Variants in NFIB observed in about 807,000 individuals in gnomAD.
The protein encoded by NFIB is nuclear factor I B.
In NFIB, 11 loss-of-function variants were observed where a neutral mutation model predicts 61.5. The ratio of observed to expected loss-of-function variants is 0.18; its 90% confidence interval spans 0.11 to 0.30. The LOEUF (loss-of-function observed/expected upper bound fraction) is 0.30. NFIB is among the 10% of genes least tolerant of loss of function. The pLI is 1.00. For missense variants in NFIB, 471 were observed against 608.9 expected, an observed-to-expected ratio of 0.77 and a Z score of 2.38; for synonymous variants, 260 against 216.5, an observed-to-expected ratio of 1.20 and a Z score of -1.76.
the NFIB span, among the ~76,000 whole-genome samples, chr9:14,500,855 C>T: frequency 1.3e-5 from 2 of 152,100 alleles, no homozygotes; most frequent in African/African-American, 4.8e-5. Flanking sequence ...TTCTGAAAAC[C>T]GCCCACTCCC....
chr9:14,370,378 GTTAACTGT>G, intron 1 of NFIB, among the ~76,000 whole-genome samples: 2 of 152,308 alleles, frequency 1.3e-5, no homozygotes, highest in Middle Eastern at 6.8e-3. Flanking sequence ...CACAAGGGTA[GTTAACTGT>G]TTTTTTTAGT....
the NFIB span, among the ~76,000 whole-genome samples, chr9:14,451,875 A>AT: frequency 0.059 from 8,586 of 146,502 alleles, 297 homozygotes; most frequent in African/African-American, 0.1. Flanking sequence ...GCATGACCTT[A>AT]TTTTTTTTTT....
At chr9:14,455,399 T>C in the NFIB span, among the ~76,000 whole-genome samples, 1 of 152,130 alleles carries the variant, frequency 6.6e-6, no homozygotes, top group Admixed American at 6.5e-5. Context: ...GAGGGAAAAG[T>C]GGTATGTCGC....
chr9:14,525,745 T>C, the NFIB span, among the ~76,000 whole-genome samples: 2 of 152,190 alleles, frequency 1.3e-5, no homozygotes, highest in East Asian at 1.9e-4. Context: ...ATTCATTTAA[T>C]GTATGCAGTT....
At chr9:14,198,287 C>G (rs1017982620) in intron 2 of NFIB, among the ~76,000 whole-genome samples, 15 of 152,082 alleles carry the variant, frequency 9.9e-5, no homozygotes, top group African/African-American at 3.4e-4. Flanking sequence ...AAAGTCGTTT[C>G]GGATGTTCAC....
chr9:14,518,172 A>G, the NFIB span, among the ~76,000 whole-genome samples: 3 of 152,246 alleles, frequency 2.0e-5, no homozygotes, highest in Admixed American at 6.5e-5. Context: ...GGCCTAAATG[A>G]TAAGACATTC....
chr9:14,454,665 C>T, the NFIB span, among the ~76,000 whole-genome samples: 1 of 152,270 alleles, frequency 6.6e-6, no homozygotes, highest in East Asian at 1.9e-4. Flanking sequence ...TCTATATTTG[C>T]CTTTTCCATC....
intron 2 of NFIB, among the ~76,000 whole-genome samples, chr9:14,274,879 G>T (rs1294652831): frequency 6.6e-6 from 1 of 152,308 alleles, no homozygotes; most frequent in African/African-American, 2.4e-5. Context: ...CTGTTTGCCA[G>T]TTAGCTAAAT....
chr9:14,226,407 G>T (rs2052423383), intron 2 of NFIB, among the ~76,000 whole-genome samples: 2 of 151,896 alleles, frequency 1.3e-5, no homozygotes, highest in African/African-American at 4.8e-5. Context: ...AATTGGCCGG[G>T]CAGGGTGGCA....
At position 14,352,386 on chromosome 9, in the gene NFIB, C is replaced by T. The variant is rs186858316; in HGVS notation, c.109-44866G>A. Among the ~76,000 whole-genome samples the T allele has an allele frequency of 7.2e-5, 11 of 151,776 alleles. No individual in the cohort carries two copies. The East Asian group carries it at 1.9e-3, about 27-fold the overall frequency. ...ACCTGTCTCCGGGCTCAGCACTTCC[C>T]GGTACTCTACATTAGCTAAGATGAA... On this transcript the variant is annotated intron_variant, in intron 1 of 8. Transcript: ENST00000380934.
the NFIB span, among the ~76,000 whole-genome samples, chr9:14,529,328 A>G: frequency 6.6e-6 from 1 of 152,144 alleles, no homozygotes; most frequent in Non-Finnish European, 1.5e-5. Flanking sequence ...GTACTTTAAC[A>G]CTGCAGCTTT....
chr9:14,105,073 G>A (rs1365665516), intron 10 of NFIB, among the ~76,000 whole-genome samples: 1 of 152,048 alleles, frequency 6.6e-6, no homozygotes, highest in African/African-American at 2.4e-5. Context: ...TGTTGTTAAT[G>A]TTGCTAATAT....
chr9:14,291,476 G>A (rs2132541615), intron 2 of NFIB, among the ~76,000 whole-genome samples: 1 of 152,228 alleles, frequency 6.6e-6, no homozygotes, highest in East Asian at 1.9e-4. Context: ...CAGAGACTCT[G>A]TAAAAGAATT....
At chr9:14,167,763 G>C (rs767609996) in intron 3 of NFIB, among the ~76,000 whole-genome samples, 5 of 152,168 alleles carry the variant, frequency 3.3e-5, no homozygotes, top group Non-Finnish European at 7.3e-5. Flanking sequence ...ACAACAGTCA[G>C]GTATTTTTTT....
chr9:14,491,701 A>C, the NFIB span, among the ~76,000 whole-genome samples: 3 of 152,120 alleles, frequency 2.0e-5, no homozygotes, highest in Non-Finnish European at 2.9e-5. Context: ...AGTTTTTTCT[A>C]CCTTCTTGAC....
rs540057984 is a variant in NFIB, at chr9:14,123,702, C to A, written c.1060+1930G>T. ...CTGTTGCCTCTGCCTCCTTTGCCTGCCAGTTTGCCCCTTTTCTTCCTAGTT... is the reference window on the plus strand; with the variant it reads ...CTGTTGCCTCTGCCTCCTTTGCCTGACAGTTTGCCCCTTTTCTTCCTAGTT... On this transcript the variant is annotated intron_variant, in intron 7 of 10. Coordinates refer to ENST00000380953, the MANE Select transcript of NFIB (RefSeq NM_001190737.2). Among the ~76,000 whole-genome samples, 8 of 152,240 alleles carry A rather than the reference C, an allele frequency of 5.3e-5. No homozygotes were observed. The South Asian group carries it at 1.7e-3, about 32-fold the overall frequency.
intron 1 of NFIB, among the ~76,000 whole-genome samples, chr9:14,367,267 T>C (rs1006307225): frequency 6.6e-6 from 1 of 152,124 alleles, no homozygotes; most frequent in African/African-American, 2.4e-5. Flanking sequence ...TGTGACAGTT[T>C]CCATAGTGAA....
intron 2 of NFIB, among the ~76,000 whole-genome samples, chr9:14,282,807 A>C (rs1315125166): frequency 6.6e-6 from 1 of 152,190 alleles, no homozygotes; most frequent in African/African-American, 2.4e-5. Context: ...AGGGCTTCAG[A>C]CCTGAACACC....
At chr9:14,385,926 G>T (rs1481919195) in intron 1 of NFIB, among the ~76,000 whole-genome samples, 1 of 151,936 alleles carries the variant, frequency 6.6e-6, no homozygotes, top group Non-Finnish European at 1.5e-5. Flanking sequence ...AGGATTACAG[G>T]CATGTTCCAC....
Sources: allele counts gnomAD v4.1 joint callset (sites outside exome capture counted in the v4.1 genomes callset), GRCh38; gene constraint gnomAD v4.1.1; transcripts MANE v1.5; gene names NCBI Gene and HGNC (gene_info 2026-07-23, HGNC 2026-07-21).